The following RORA variants were observed in gnomAD, a reference collection of about 807,000 sequenced individuals.
RORA encodes nuclear receptor ROR-alpha.
A neutral mutation model predicts 69.5 loss-of-function variants in RORA; 7 were observed. That is an observed-to-expected ratio of 0.10 (90% confidence interval 0.06 to 0.19). The LOEUF (loss-of-function observed/expected upper bound fraction) is 0.19, where lower values mean the gene tolerates loss of function less well. Ranked by LOEUF, RORA falls within the 10% of genes least tolerant of loss-of-function variation. RORA has a pLI of 1.00. For missense variants in RORA, 457 were observed against 663.0 expected (o/e 0.69, Z 3.41); for synonymous variants, 261 against 240.8 (o/e 1.08, Z -0.78).
At chr15:60,568,333 A>C (rs1390485012) in intron 2 of RORA, among the ~76,000 whole-genome samples, 2 of 152,248 alleles carry the variant, frequency 1.3e-5, no homozygotes, top group Non-Finnish European at 2.9e-5. Flanking sequence ...AAAGAAGCCC[A>C]AAGTCCTCTC....
chr15:61,221,075 G>C (rs1407282982), intron 1 of RORA, among the ~76,000 whole-genome samples: 1 of 152,188 alleles, frequency 6.6e-6, no homozygotes, highest in Non-Finnish European at 1.5e-5. Context: ...CTCCACTTCA[G>C]AGAGAAATGT....
intron 1 of RORA, among the ~76,000 whole-genome samples, chr15:60,709,645 A>G (rs1239625281): frequency 1.3e-5 from 2 of 151,596 alleles, no homozygotes; most frequent in Admixed American, 1.3e-4. Context: ...ATGACAATCT[A>G]ATGCTTGATG....
intron 1 of RORA, among the ~76,000 whole-genome samples, chr15:60,689,071 G>T (rs1235264956): frequency 2.5e-4 from 38 of 152,204 alleles, no homozygotes; most frequent in Admixed American, 2.5e-3. Flanking sequence ...GACCCAGGTT[G>T]CAAGCCCAGT....
Position 60,503,630 on chromosome 15 carries a change from A to G in RORA, c.980T>C (p.Ile327Thr). The G allele has an allele frequency of 6.2e-7, 1 of 1,614,080 alleles. No individual in the cohort carries two copies. Among genetic ancestry groups the G allele is most frequent in the Non-Finnish European group, 8.5e-7 (1 of 1,179,984 alleles). ...CACCACATACTGTATAGCTTCTGTA[A>G]TTTTGATGGCACACAATTGCCACAT... ...EVMWQLCAIK[I>T]TEAIQYVVEF... is the part of the protein sequence containing the mutation. The change falls in exon 7 of 11, where the codon ATT becomes ACT. Residue 327 changes from isoleucine to threonine, a missense_variant. By Grantham distance (89) the Ile-to-Thr change is moderately conservative. Coordinates refer to ENST00000335670, the MANE Select transcript of RORA (RefSeq NM_134261.3).
chr15:60,621,846 G>A (rs2069417356), intron 2 of RORA, among the ~76,000 whole-genome samples: 1 of 152,026 alleles, frequency 6.6e-6, no homozygotes, highest in African/African-American at 2.4e-5. Flanking sequence ...TCAGGAGTTC[G>A]AGACCAGCCT....
chr15:61,113,055 C>T (rs1316343678), intron 1 of RORA, among the ~76,000 whole-genome samples: 1 of 152,232 alleles, frequency 6.6e-6, no homozygotes, highest in Non-Finnish European at 1.5e-5. Flanking sequence ...ACAGCCCAGC[C>T]TTGCTGCAGA....
intron 1 of RORA, 52 bp from the exon 2 acceptor site, chr15:60,678,738 C>T (rs1000110386): frequency 6.8e-7 from 1 of 1,469,914 alleles, no homozygotes. Flanking sequence ...GTGTGTGCTG[C>T]TTTGAATGTC....
chr15:60,723,509 G>A (rs1197963730), intron 1 of RORA, among the ~76,000 whole-genome samples: 2 of 151,900 alleles, frequency 1.3e-5, no homozygotes, highest in Admixed American at 6.6e-5. Flanking sequence ...AGTTAAACTA[G>A]TTGAGTACTT....
chr15:61,207,577 T>C (rs565272888), intron 1 of RORA, among the ~76,000 whole-genome samples: 2 of 152,358 alleles, frequency 1.3e-5, no homozygotes, highest in East Asian at 1.9e-4. Context: ...CCCCAAGACT[T>C]AGCTCAGTCC....
At chr15:60,527,174 G>A (rs568524378) in intron 3 of RORA, among the ~76,000 whole-genome samples, 3 of 152,292 alleles carry the variant, frequency 2.0e-5, no homozygotes, top group South Asian at 2.1e-4. Flanking sequence ...ATACTGGATC[G>A]TGCATTATCA....
At chr15:60,819,904 T>C (rs1291050219) in intron 1 of RORA, among the ~76,000 whole-genome samples, 1 of 152,192 alleles carries the variant, frequency 6.6e-6, no homozygotes, top group East Asian at 1.9e-4. Context: ...TGAATCCCTG[T>C]GTTCTGAACC....
chr15:60,537,508 T>G lies in RORA; in HGVS notation c.197-5657A>C, dbSNP rs939737469. ...AACATGCTTTCTCTCCACTCTGCCATGGGAGGCCCCAGGACACCATAAGGG... is the reference window on the plus strand; with the variant it reads ...AACATGCTTTCTCTCCACTCTGCCAGGGGAGGCCCCAGGACACCATAAGGG... On this transcript the variant is annotated intron_variant, in intron 2 of 10. Coordinates refer to ENST00000335670, the MANE Select transcript of RORA (RefSeq NM_134261.3). This position sits in a 1 kb window ranked among gnomAD's most constrained non-coding sequence, Gnocchi z 4.9. Among the ~76,000 whole-genome samples the G allele has an allele frequency of 6.6e-6, 1 of 152,182 alleles. No homozygotes were observed. The highest frequency in any genetic ancestry group is 1.5e-5 in the Non-Finnish European group (1 of 68,040).
At chr15:61,026,076 G>A (rs889537428) in intron 1 of RORA, among the ~76,000 whole-genome samples, 2 of 152,164 alleles carry the variant, frequency 1.3e-5, no homozygotes, top group African/African-American at 4.8e-5. Context: ...CCCAGCTCAT[G>A]GGAATAGACA....
At chr15:60,695,564 T>C (rs2140781871) in intron 1 of RORA, among the ~76,000 whole-genome samples, 1 of 152,262 alleles carries the variant, frequency 6.6e-6, no homozygotes, top group South Asian at 2.1e-4. Flanking sequence ...TGTTACTCTT[T>C]ATTTACGTAC....
At chr15:60,834,194 G>A (rs968608232) in intron 1 of RORA, among the ~76,000 whole-genome samples, 5 of 152,154 alleles carry the variant, frequency 3.3e-5, no homozygotes, top group Non-Finnish European at 7.4e-5. Flanking sequence ...TGCAAAGAAG[G>A]CACAAAATAG....
chr15:61,220,974 T>C (rs1263637616), intron 1 of RORA, among the ~76,000 whole-genome samples: 1 of 152,188 alleles, frequency 6.6e-6, no homozygotes, highest in Non-Finnish European at 1.5e-5. Context: ...CTGCAGGCAC[T>C]AGTCCATTCC....
At position 60,552,105 on chromosome 15, in the gene RORA, C is replaced by T. The variant is rs1483258918; in HGVS notation, c.197-20254G>A. ...AGTGAGCCTTGCATCATAGGTAGAA[C>T]ACGATGCAGCTGCAGGTGCAGAGAG... On this transcript the variant is annotated intron_variant, in intron 2 of 10. Coordinates refer to ENST00000335670, the MANE Select transcript of RORA (RefSeq NM_134261.3). Among the ~76,000 whole-genome samples the T allele has an allele frequency of 2.0e-5, 3 of 152,278 alleles. No individual in the cohort carries two copies. In the East Asian group the frequency reaches 5.8e-4, roughly 29 times the overall value.
intron 1 of RORA, among the ~76,000 whole-genome samples, chr15:61,023,342 A>G (rs1466468486): frequency 1.3e-5 from 2 of 152,170 alleles, no homozygotes; most frequent in African/African-American, 4.8e-5. Flanking sequence ...GCAGGAGGCA[A>G]AAGACACTTC....
rs554897085 is a variant in RORA at position 60,647,541 on chromosome 15, T to C, written c.196+31116A>G. ...AGCACAACTGGTCCCAAGGCAGGAG[T>C]GAGGAGGTGAGGGAAAGACAGAAAA... On this transcript the variant is annotated intron_variant, in intron 2 of 10. Transcript: ENST00000335670. Among the ~76,000 whole-genome samples the C allele has an allele frequency of 2.4e-4, 36 of 151,940 alleles. No homozygotes were observed. In the East Asian group the frequency reaches 7.0e-3, roughly 29 times the overall value.
Sources: gnomAD v4.1 joint callset for allele counts (sites outside exome capture counted in the v4.1 genomes callset) on GRCh38, gnomAD v4.1.1 for gene constraint, Gnocchi (gnomAD v3.1) non-coding constraint, MANE v1.5 for transcripts, NCBI Gene and HGNC (gene_info 2026-07-23, HGNC 2026-07-21) for gene names.